Variants in SCHIP1 observed in about 807,000 individuals in gnomAD.
SCHIP1 encodes the protein schwannomin interacting protein 1.
Under a neutral mutation model 29.7 loss-of-function variants are expected in SCHIP1, and 8 were observed. That is an observed-to-expected ratio of 0.27 (90% CI 0.16 to 0.49). The LOEUF is 0.49. Among genes scored for constraint, SCHIP1 ranks in the 20% least tolerant of loss-of-function variants. SCHIP1 has a pLI of 0.99. For synonymous variants in SCHIP1, 76 were observed against 94.9 expected, an observed-to-expected ratio of 0.80 and a Z score of 1.16; for missense variants, 193 against 294.6, an observed-to-expected ratio of 0.66 and a Z score of 2.52.
At chr3:159,702,871 G>A in the SCHIP1 span, among the ~76,000 whole-genome samples, 3 of 152,156 alleles carry the variant, frequency 2.0e-5, no homozygotes, top group African/African-American at 7.2e-5. Context: ...TCAAGACCAA[G>A]AAATAGCAAA....
chr3:159,646,366 T>C, the SCHIP1 span, among the ~76,000 whole-genome samples: 9 of 152,246 alleles, frequency 5.9e-5, no homozygotes, highest in East Asian at 1.5e-3. Flanking sequence ...CAGTGTAATG[T>C]CTTACCACTT....
the SCHIP1 span, among the ~76,000 whole-genome samples, chr3:159,630,962 C>T: frequency 2.0e-5 from 3 of 151,694 alleles, no homozygotes; most frequent in African/African-American, 7.3e-5. Flanking sequence ...GCATTTTCAC[C>T]CAAAGTTGAA....
chr3:159,525,918 C>G, the SCHIP1 span, among the ~76,000 whole-genome samples: 6 of 152,150 alleles, frequency 3.9e-5, no homozygotes, highest in Non-Finnish European at 2.9e-5. Flanking sequence ...AATAAAATTG[C>G]AAACTTTTTG....
At chr3:159,680,739 A>G in the SCHIP1 span, among the ~76,000 whole-genome samples, 9 of 106,088 alleles carry the variant, frequency 8.5e-5, no homozygotes, top group African/African-American at 3.6e-4. Flanking sequence ...TAATATACAT[A>G]TATAATATAT....
chr3:159,347,235 G>T, the SCHIP1 span, among the ~76,000 whole-genome samples: 1 of 152,210 alleles, frequency 6.6e-6, no homozygotes, highest in African/African-American at 2.4e-5. Context: ...GTGCACCAAA[G>T]GGTAGCAGTT....
chr3:159,566,060 C>T, the SCHIP1 span, among the ~76,000 whole-genome samples: 1 of 152,132 alleles, frequency 6.6e-6, no homozygotes, highest in Non-Finnish European at 1.5e-5. Flanking sequence ...TAGGAGATTA[C>T]ATAATATTTA....
At chr3:159,813,140 G>C in the SCHIP1 span, among the ~76,000 whole-genome samples, 10 of 152,146 alleles carry the variant, frequency 6.6e-5, no homozygotes, top group Non-Finnish European at 1.3e-4. Context: ...TTCAACATGA[G>C]TTTTGGAGGG....
the SCHIP1 span, among the ~76,000 whole-genome samples, chr3:159,665,427 G>A: frequency 1.3e-5 from 2 of 152,098 alleles, no homozygotes; most frequent in Admixed American, 1.3e-4. Context: ...CCCAGAGCAT[G>A]GGCCCCCACA....
At chr3:159,572,242 T>C in the SCHIP1 span, among the ~76,000 whole-genome samples, 1 of 152,198 alleles carries the variant, frequency 6.6e-6, no homozygotes, top group South Asian at 2.1e-4. Flanking sequence ...TTTCCTGCTT[T>C]CTCTTGTGGG....
chr3:159,518,861 A>G, the SCHIP1 span, among the ~76,000 whole-genome samples: 1 of 152,288 alleles, frequency 6.6e-6, no homozygotes, highest in African/African-American at 2.4e-5. Context: ...AAAATAATTT[A>G]TTCTCATTAA....
chr3:159,454,243 T>C, the SCHIP1 span, among the ~76,000 whole-genome samples: 4 of 152,154 alleles, frequency 2.6e-5, no homozygotes, highest in African/African-American at 4.8e-5. Flanking sequence ...AGCATTAGGA[T>C]TTTTCAAAAC....
At chr3:159,482,782 T>G in the SCHIP1 span, among the ~76,000 whole-genome samples, 34 of 152,094 alleles carry the variant, frequency 2.2e-4, 1 homozygote, top group African/African-American at 8.0e-4. Context: ...TCCCTTACAC[T>G]CTCCAACTAC....
the SCHIP1 span, among the ~76,000 whole-genome samples, chr3:159,787,502 G>C: frequency 6.6e-6 from 1 of 152,196 alleles, no homozygotes. Flanking sequence ...TGGATTCCTA[G>C]TGAAATAATG....
At chr3:159,569,947 G>A in the SCHIP1 span, among the ~76,000 whole-genome samples, 1 of 152,112 alleles carries the variant, frequency 6.6e-6, no homozygotes, top group South Asian at 2.1e-4. Context: ...TCATGTGTCT[G>A]TTGGCAGCAT....
chr3:159,318,234 C>A, the SCHIP1 span, among the ~76,000 whole-genome samples: 1 of 152,196 alleles, frequency 6.6e-6, no homozygotes, highest in South Asian at 2.1e-4. Context: ...TGCTGATAGG[C>A]ACTCACATGG....
the SCHIP1 span, among the ~76,000 whole-genome samples, chr3:159,549,640 C>T: frequency 2.0e-5 from 3 of 152,174 alleles, no homozygotes; most frequent in Non-Finnish European, 4.4e-5. Flanking sequence ...TGACACTGGA[C>T]TTCCAGTCTC....
the SCHIP1 span, chr3:159,764,982 G>A: frequency 3.3e-6 from 5 of 1,516,046 alleles, no homozygotes; most frequent in Non-Finnish European, 4.4e-6. The surrounding 1 kb of genome is among the most constrained non-coding windows in gnomAD (Gnocchi z 6.1). Context: ...CGGCTGGGGG[G>A]CTCTGCCTTC....
the SCHIP1 span, among the ~76,000 whole-genome samples, chr3:159,482,378 CA>C: frequency 6.6e-6 from 1 of 152,076 alleles, no homozygotes; most frequent in African/African-American, 2.4e-5. Flanking sequence ...GCAAGGAGTT[CA>C]ATTCTGAGGT....
the SCHIP1 span, among the ~76,000 whole-genome samples, chr3:159,489,794 G>A: frequency 6.6e-6 from 1 of 152,008 alleles, no homozygotes; most frequent in African/African-American, 2.4e-5. Context: ...TTTGTACAGA[G>A]CTAATAGAAA....
Sources: allele counts gnomAD v4.1 joint callset (sites outside exome capture counted in the v4.1 genomes callset), GRCh38; gene constraint gnomAD v4.1.1; non-coding constraint Gnocchi (gnomAD v3.1); transcripts MANE v1.5; gene names NCBI Gene and HGNC (gene_info 2026-07-23, HGNC 2026-07-21).